Variants in LDLRAD4 observed in about 807,000 individuals in gnomAD.
LDLRAD4 encodes low density lipoprotein receptor class A domain containing 4, also known as low-density lipoprotein receptor class A domain-containing protein 4.
A neutral mutation model predicts 17.0 loss-of-function variants in LDLRAD4; 5 were observed. The observed-to-expected ratio is 0.29, with a 90% CI of 0.15 to 0.62. LDLRAD4 has a LOEUF of 0.62. Ranked by LOEUF, LDLRAD4 falls within the 20% of genes least tolerant of loss-of-function variation. The probability of loss-of-function intolerance (pLI) is 0.84; values close to 1 mark genes in which losing one functional copy is unlikely to be tolerated. For missense variants in LDLRAD4, 340 were observed against 424.7 expected, an observed-to-expected ratio of 0.80 and a Z score of 1.75; for synonymous variants, 168 against 171.8, an observed-to-expected ratio of 0.98 and a Z score of 0.17.
Position 13,528,764 on chromosome 18 carries a change from C to G in LDLRAD4, c.181+90380C>G, listed in dbSNP as rs796722276. Among the ~76,000 whole-genome samples the G allele has an allele frequency of 2.6e-5, 4 of 152,218 alleles. No individual in the cohort carries two copies. In the East Asian group the frequency reaches 7.7e-4, roughly 29 times the overall value. Reference sequence around the variant, plus strand: ...CAGAGTTAGATTCTGCAGTAACACCCGTGGTTCCCATTGCACACCCCACTG... The same window carrying G: ...CAGAGTTAGATTCTGCAGTAACACCGGTGGTTCCCATTGCACACCCCACTG... On this transcript the variant is annotated intron_variant, in intron 3 of 5. Transcript: ENST00000359446.
chr18:13,552,397 C>T (rs1203557518), intron 3 of LDLRAD4, among the ~76,000 whole-genome samples: 1 of 152,232 alleles, frequency 6.6e-6, no homozygotes, highest in Non-Finnish European at 1.5e-5. Flanking sequence ...TTATGCCTCC[C>T]GATCTCCTCT....
At chr18:13,538,099 T>C (rs930775435) in intron 3 of LDLRAD4, among the ~76,000 whole-genome samples, 2 of 152,212 alleles carry the variant, frequency 1.3e-5, no homozygotes, top group Admixed American at 6.5e-5. Flanking sequence ...AGAGAACTTA[T>C]CAGATTTGTT....
At chr18:13,592,312 C>A (rs1412528619) in intron 3 of LDLRAD4, among the ~76,000 whole-genome samples, 1 of 152,240 alleles carries the variant, frequency 6.6e-6, no homozygotes, top group Non-Finnish European at 1.5e-5. Context: ...AAATGTCTCA[C>A]AATACCTATC....
intron 1 of LDLRAD4, among the ~76,000 whole-genome samples, chr18:13,287,518 G>A (rs972539911): frequency 6.6e-6 from 1 of 152,214 alleles, no homozygotes; most frequent in Admixed American, 6.5e-5. Flanking sequence ...TGGAGAGTGG[G>A]TGCAGGGTGG....
intron 1 of LDLRAD4, among the ~76,000 whole-genome samples, chr18:13,263,334 C>G (rs199998852): frequency 6.6e-6 from 1 of 151,636 alleles, no homozygotes; most frequent in Non-Finnish European, 1.5e-5. Flanking sequence ...ACTGAGTCCC[C>G]TGTGGCTCTG....
intron 1 of LDLRAD4, among the ~76,000 whole-genome samples, chr18:13,335,037 TTATG>T (rs2082041659): frequency 2.0e-5 from 3 of 152,242 alleles, no homozygotes; most frequent in Admixed American, 6.5e-5. Context: ...GTCTTTTTCA[TTATG>T]TGACTTATTA....
chr18:13,429,657 T>A (rs2090193492), intron 2 of LDLRAD4, among the ~76,000 whole-genome samples: 1 of 152,102 alleles, frequency 6.6e-6, no homozygotes. Context: ...AACATAAGAC[T>A]TTTAGGTGTG....
intron 4 of LDLRAD4, among the ~76,000 whole-genome samples, chr18:13,624,146 G>A (rs2040901613): frequency 6.6e-6 from 1 of 152,164 alleles, no homozygotes; most frequent in Non-Finnish European, 1.5e-5. Context: ...CTGAGGCGGA[G>A]GAGCCGGCCC....
intron 3 of LDLRAD4, among the ~76,000 whole-genome samples, chr18:13,555,095 C>T (rs2094471459): frequency 6.6e-6 from 1 of 152,196 alleles, no homozygotes; most frequent in Admixed American, 6.5e-5. Flanking sequence ...ATTCCTCAAA[C>T]TTGTCAAGAT....
chr18:13,365,412 T>C (rs1002930900), intron 1 of LDLRAD4, among the ~76,000 whole-genome samples: 1 of 152,170 alleles, frequency 6.6e-6, no homozygotes, highest in African/African-American at 2.4e-5. Context: ...AGTCAGGCTG[T>C]TGTGGAAGTG....
At chr18:13,246,969 G>C (rs1434454221) in intron 1 of LDLRAD4, among the ~76,000 whole-genome samples, 1 of 147,952 alleles carries the variant, frequency 6.8e-6, no homozygotes, top group African/African-American at 2.5e-5. Flanking sequence ...TTTCCTAATA[G>C]AACATGAGTA....
Position 13,300,174 on chromosome 18 carries a change from G to A in LDLRAD4, c.-383+21986G>A, listed in dbSNP as rs2146551920. Among the ~76,000 whole-genome samples the A allele has an allele frequency of 6.6e-6, 1 of 152,314 alleles. No individual in the cohort carries two copies. Among genetic ancestry groups the A allele is most frequent in the South Asian group, 2.1e-4 (1 of 4,822 alleles). On this transcript the variant is annotated intron_variant, in intron 1 of 5. Transcript: ENST00000359446. The surrounding 1 kb of genome is among the most constrained non-coding windows in gnomAD (Gnocchi z 4.2). ...TGGCTTCCGGTTCCTGCTTGTCTCT[G>A]GAGAGCCGTGGTTCCAGGGCCAGCA...
chr18:13,227,104 C>T (rs771447779), intron 1 of LDLRAD4, among the ~76,000 whole-genome samples: 5 of 152,200 alleles, frequency 3.3e-5, no homozygotes, highest in Non-Finnish European at 5.9e-5. Context: ...CTCCATACTC[C>T]ATTCTTGTGT....
At chr18:13,413,391 G>A (rs1281208861) in intron 2 of LDLRAD4, among the ~76,000 whole-genome samples, 1 of 152,234 alleles carries the variant, frequency 6.6e-6, no homozygotes, top group Non-Finnish European at 1.5e-5. Flanking sequence ...CAAAGTAAAT[G>A]TGAGCTTCTG....
intron 2 of LDLRAD4, among the ~76,000 whole-genome samples, chr18:13,405,739 C>T (rs1281529137): frequency 6.6e-6 from 1 of 152,008 alleles, no homozygotes; most frequent in African/African-American, 2.4e-5. Flanking sequence ...CCGTGCCGAG[C>T]CCCTATGCGA....
At chr18:13,274,383 GGGAT>G (rs2044736477), upstream of LDLRAD4, among the ~76,000 whole-genome samples, 1 of 152,206 alleles carries the variant, frequency 6.6e-6, no homozygotes, top group South Asian at 2.1e-4. Flanking sequence ...CCCTACACAG[GGGAT>G]GCTAAGCAGC....
intron 4 of LDLRAD4, among the ~76,000 whole-genome samples, chr18:13,631,283 T>C (rs2041641141): frequency 6.6e-6 from 1 of 152,152 alleles, no homozygotes; most frequent in South Asian, 2.1e-4. Context: ...TGAAAAGATA[T>C]TAGAAACAGC....
At chr18:13,568,255 C>G (rs1041272180) in intron 3 of LDLRAD4, among the ~76,000 whole-genome samples, 1 of 151,284 alleles carries the variant, frequency 6.6e-6, no homozygotes, top group African/African-American at 2.4e-5. Context: ...GATCATGCCA[C>G]TGCACTCCAG....
At chr18:13,406,311 T>C (rs2087744381) in intron 2 of LDLRAD4, among the ~76,000 whole-genome samples, 3 of 152,142 alleles carry the variant, frequency 2.0e-5, no homozygotes, top group Non-Finnish European at 4.4e-5. Context: ...CAAGGTGCCA[T>C]GGGCTGGTTT....
Sources: gnomAD v4.1 joint callset for allele counts (sites outside exome capture counted in the v4.1 genomes callset) on GRCh38, gnomAD v4.1.1 for gene constraint, Gnocchi (gnomAD v3.1) non-coding constraint, MANE v1.5 for transcripts, NCBI Gene and HGNC (gene_info 2026-07-23, HGNC 2026-07-21) for gene names.